LRMDA: variants seen among roughly 807,000 people sequenced by gnomAD.
The protein encoded by LRMDA is leucine-rich melanocyte differentiation-associated protein.
A neutral mutation model predicts 29.8 loss-of-function variants in LRMDA; 18 were observed. That is an observed-to-expected ratio of 0.60 (90% CI 0.42 to 0.90). The LOEUF (loss-of-function observed/expected upper bound fraction) is 0.90, where lower values mean the gene tolerates loss of function less well. Ranked by LOEUF, LRMDA falls within the 40% of genes least tolerant of loss-of-function variation. LRMDA has a pLI of 0.00. For missense variants in LRMDA, 273 were observed against 273.9 expected (o/e 1.00, Z 0.02); for synonymous variants, 125 against 109.4 (o/e 1.14, Z -0.89).
chr10:76,343,539 A>G (rs1841066763), intron 6 of LRMDA, among the ~76,000 whole-genome samples: 2 of 152,326 alleles, frequency 1.3e-5, no homozygotes, highest in Non-Finnish European at 2.9e-5. Context: ...GGATGCCAAA[A>G]AGGCTTTGGC....
At chr10:76,515,119 C>A (rs1404796682) in intron 6 of LRMDA, among the ~76,000 whole-genome samples, 1 of 152,096 alleles carries the variant, frequency 6.6e-6, no homozygotes, top group African/African-American at 2.4e-5. Context: ...ACTCTGAGAA[C>A]TAAGAAATAC....
intron 2 of LRMDA, among the ~76,000 whole-genome samples, chr10:75,438,743 C>T (rs559821839): frequency 6.6e-6 from 1 of 152,262 alleles, no homozygotes; most frequent in South Asian, 2.1e-4. Flanking sequence ...CACACGAGTT[C>T]CTATGAGAGA....
chr10:76,388,138 T>C (rs538660365), intron 6 of LRMDA, among the ~76,000 whole-genome samples: 10 of 152,330 alleles, frequency 6.6e-5, no homozygotes, highest in African/African-American at 2.4e-4. Context: ...TAGATATCTA[T>C]GTTCTAAGTA....
intron 2 of LRMDA, among the ~76,000 whole-genome samples, chr10:75,656,524 G>T (rs948105494): frequency 6.6e-6 from 1 of 152,132 alleles, no homozygotes; most frequent in Non-Finnish European, 1.5e-5. Flanking sequence ...AAACTCTTTT[G>T]TAAGGCTGAT....
At chr10:76,391,667 A>G (rs1334583045) in intron 6 of LRMDA, among the ~76,000 whole-genome samples, 3 of 152,328 alleles carry the variant, frequency 2.0e-5, no homozygotes, top group East Asian at 1.9e-4. Context: ...CTTATTCAGC[A>G]TGAAATAAAA....
intron 2 of LRMDA, among the ~76,000 whole-genome samples, chr10:75,700,164 A>C (rs907162524): frequency 1.3e-5 from 2 of 152,172 alleles, no homozygotes; most frequent in African/African-American, 2.4e-5. Context: ...CAGCCATATG[A>C]AACAAATACA....
At chr10:75,537,275 C>T (rs1370118928) in intron 2 of LRMDA, among the ~76,000 whole-genome samples, 1 of 152,156 alleles carries the variant, frequency 6.6e-6, no homozygotes, top group African/African-American at 2.4e-5. Context: ...TGGAGGCATT[C>T]CACTTGTGGC....
At chr10:75,750,245 C>T (rs751508028) in intron 2 of LRMDA, among the ~76,000 whole-genome samples, 13 of 148,622 alleles carry the variant, frequency 8.7e-5, no homozygotes, top group South Asian at 2.2e-4. Flanking sequence ...GGGCGGCTGC[C>T]GGGCGGGGGC....
rs532942314 is a variant in LRMDA, at chr10:75,898,610, G to GA, written c.132-137388dup. Among the ~76,000 whole-genome samples the GA allele has an allele frequency of 4.3e-4, 60 of 140,840 alleles. 1 individual carries two copies. The highest frequency in any genetic ancestry group is 1.4e-3 in the Admixed American group (20 of 14,176). The allele number at this position is 140,840 out of a possible 152,430, so 92.4% of individuals were successfully genotyped here. A position where few individuals can be genotyped will look rare whatever the true frequency, so the allele number is the denominator to read the frequency against. ...ACCCTGGGAACGGGCACTGCCCACTGAAAAAAAAAACACACATTTTGGGGA... is the reference window on the plus strand; with the variant it reads ...ACCCTGGGAACGGGCACTGCCCACTGAAAAAAAAAAACACACATTTTGGGGA... On this transcript the variant is annotated intron_variant, in intron 2 of 6. Transcript: ENST00000611255.
intron 2 of LRMDA, among the ~76,000 whole-genome samples, chr10:75,755,365 T>G (rs555267707): frequency 6.6e-6 from 1 of 152,370 alleles, no homozygotes; most frequent in South Asian, 2.1e-4. Flanking sequence ...GGCAAAGATT[T>G]CTTAGATGAA....
intron 6 of LRMDA, among the ~76,000 whole-genome samples, chr10:76,418,420 A>G (rs1196010077): frequency 1.3e-5 from 2 of 151,838 alleles, no homozygotes; most frequent in African/African-American, 4.8e-5. Flanking sequence ...TTTTCAAAAT[A>G]GTATGGTAAT....
At chr10:75,656,134 T>A (rs1841671970) in intron 2 of LRMDA, among the ~76,000 whole-genome samples, 1 of 152,230 alleles carries the variant, frequency 6.6e-6, no homozygotes, top group African/African-American at 2.4e-5. Context: ...CCATAGTAGT[T>A]TTTTGAACAA....
At chr10:75,940,453 G>C (rs1846370302) in intron 2 of LRMDA, among the ~76,000 whole-genome samples, 1 of 152,100 alleles carries the variant, frequency 6.6e-6, no homozygotes, top group African/African-American at 2.4e-5. Context: ...CATTTTCCAA[G>C]GCTCAGGTAA....
At chr10:75,527,232 A>G (rs1464430066) in intron 2 of LRMDA, among the ~76,000 whole-genome samples, 1 of 152,230 alleles carries the variant, frequency 6.6e-6, no homozygotes, top group East Asian at 1.9e-4. Context: ...TGACTGAGTA[A>G]TATTCCACTG....
chr10:76,049,743 G>A (rs1189548962), intron 4 of LRMDA, among the ~76,000 whole-genome samples: 1 of 152,060 alleles, frequency 6.6e-6, no homozygotes, highest in Admixed American at 6.6e-5. Context: ...ACAAAACAAT[G>A]CAGCTGCCTT....
At position 76,062,579 on chromosome 10, in the gene LRMDA, G is replaced by T. The variant is rs560137576; in HGVS notation, c.516+3796G>T. The stretch of plus-strand genomic sequence containing the variant: ...GCTGGCTTCTGTCTGAGCTCTGATT[G>T]TTGTAGAGAAAGATGCTGTCATTCA... On this transcript the variant is annotated intron_variant, in intron 5 of 6. Transcript: ENST00000611255. Among the ~76,000 whole-genome samples the T allele has an allele frequency of 4.6e-5, 7 of 151,828 alleles. No individual in the cohort carries two copies. In the East Asian group the frequency reaches 1.4e-3, roughly 29 times the overall value.
At chr10:75,759,085 A>ACT (rs1843065574) in intron 2 of LRMDA, among the ~76,000 whole-genome samples, 1 of 152,156 alleles carries the variant, frequency 6.6e-6, no homozygotes. Flanking sequence ...TTTCTCTCTG[A>ACT]GTATTTGTGT....
chr10:75,835,956 A>G (rs74340372), intron 2 of LRMDA, among the ~76,000 whole-genome samples: 48 of 152,292 alleles, frequency 3.2e-4, no homozygotes, highest in African/African-American at 9.1e-4. Context: ...GGCCTTTTAC[A>G]TACAGTAGAT....
chr10:75,738,104 G>A (rs1385157754), intron 2 of LRMDA, among the ~76,000 whole-genome samples: 4 of 151,924 alleles, frequency 2.6e-5, no homozygotes, highest in African/African-American at 4.8e-5. Flanking sequence ...TTCATCAAAC[G>A]CAGCCCCTTC....
Sources: gnomAD v4.1 joint callset for allele counts (sites outside exome capture counted in the v4.1 genomes callset) on GRCh38, gnomAD v4.1.1 for gene constraint, MANE v1.5 for transcripts, NCBI Gene and HGNC (gene_info 2026-07-23, HGNC 2026-07-21) for gene names.